The following LUZP1 variants were observed in gnomAD, a reference collection of about 807,000 sequenced individuals.
LUZP1 encodes filamin mechanobinding actin cross-linking protein.
A neutral mutation model predicts 71.3 loss-of-function variants in LUZP1; 25 were observed. The ratio of observed to expected loss-of-function variants is 0.35; its 90% CI spans 0.26 to 0.49. LUZP1 has a LOEUF of 0.49. LUZP1 is among the 20% of genes least tolerant of loss of function. The pLI is 0.99. For missense variants in LUZP1, 1,142 were observed against 1,300.8 expected, an observed-to-expected ratio of 0.88 and a Z score of 1.88; for synonymous variants, 481 against 506.4, an observed-to-expected ratio of 0.95 and a Z score of 0.67.
intron 2 of LUZP1, among the ~76,000 whole-genome samples, chr1:23,119,928 T>G (rs1277640016): frequency 6.6e-6 from 1 of 152,032 alleles, no homozygotes; most frequent in Non-Finnish European, 1.5e-5. Flanking sequence ...AGTCCAGGTT[T>G]TGTTTTTTGT....
intron 2 of LUZP1, among the ~76,000 whole-genome samples, chr1:23,167,088 G>A (rs573819600): frequency 2.0e-5 from 3 of 152,232 alleles, no homozygotes; most frequent in Admixed American, 6.5e-5. Context: ...AATTATTTCT[G>A]ACAAAAGAAG....
chr1:23,174,645 A>G (rs1359965727), intron 1 of LUZP1, among the ~76,000 whole-genome samples: 1 of 152,162 alleles, frequency 6.6e-6, no homozygotes, highest in Non-Finnish European at 1.5e-5. Context: ...TTAATTTTTT[A>G]CATGTAGAAG....
At chr1:23,144,610 C>G (rs1293655134) in intron 2 of LUZP1, among the ~76,000 whole-genome samples, 1 of 152,106 alleles carries the variant, frequency 6.6e-6, no homozygotes, top group African/African-American at 2.4e-5. Flanking sequence ...TATGGTTTCT[C>G]AGCTTCCCAG....
intron 1 of LUZP1, among the ~76,000 whole-genome samples, chr1:23,175,880 G>A (rs1477904379): frequency 6.6e-6 from 1 of 152,158 alleles, no homozygotes; most frequent in Non-Finnish European, 1.5e-5. Flanking sequence ...AGCCAGAGAA[G>A]GCTTCCTAGA....
intron 2 of LUZP1, among the ~76,000 whole-genome samples, chr1:23,146,383 T>C (rs528805305): frequency 6.6e-6 from 1 of 152,324 alleles, no homozygotes; most frequent in Admixed American, 6.5e-5. Context: ...GAACATAGGC[T>C]CTGGAGTCAC....
chr1:23,132,578 T>TA (rs1644223552), intron 2 of LUZP1, among the ~76,000 whole-genome samples: 2 of 151,970 alleles, frequency 1.3e-5, no homozygotes, highest in South Asian at 4.1e-4. Context: ...TATGGGCTGA[T>TA]AAAGAAAAAC....
Position 23,089,132 on chromosome 1 carries a change from G to A in LUZP1, c.3073-79C>T, listed in dbSNP as rs1643814474. 3 of 1,408,952 alleles carry A rather than the reference G, an allele frequency of 2.1e-6. No individual in the cohort carries two copies. In the East Asian group the frequency reaches 6.9e-5, roughly 32 times the overall value. 87.3% of individuals were successfully genotyped at this position (1,408,952 alleles called of 1,614,324 possible). On this transcript the variant is annotated intron_variant, in intron 4 of 4. Transcript: ENST00000302291. ...AGACACCCTCACCTGCTACCATAGT[G>A]GGTCCTTTCCAACCCAGCAGAGGCA...
At chr1:23,140,060 G>A (rs895570560) in intron 2 of LUZP1, among the ~76,000 whole-genome samples, 1 of 152,034 alleles carries the variant, frequency 6.6e-6, no homozygotes, top group Non-Finnish European at 1.5e-5. Context: ...GTAAGGGCTG[G>A]GTGTATTTTC....
At chr1:23,088,828 C>T (rs1643807554) in exon 5 of LUZP1, 14 of 1,559,598 alleles carry the variant, frequency 9.0e-6, no homozygotes, top group South Asian at 1.2e-5. Context: ...TTGGATCCTT[C>T]GTGGGGCAGG....
exon 1 of LUZP1, chr1:23,177,529 G>A (rs1309306832): frequency 6.6e-6 from 1 of 152,468 alleles, no homozygotes; most frequent in Non-Finnish European, 1.5e-5. Context: ...CCACCCAAAA[G>A]AGAGGGCTGG....
intron 2 of LUZP1, among the ~76,000 whole-genome samples, chr1:23,150,687 G>C (rs951098460): frequency 6.6e-6 from 1 of 152,112 alleles, no homozygotes; most frequent in African/African-American, 2.4e-5. Context: ...GTAATCTAAA[G>C]AACTTTATGG....
At chr1:23,175,467 T>C (rs1217504780) in intron 1 of LUZP1, among the ~76,000 whole-genome samples, 14 of 152,184 alleles carry the variant, frequency 9.2e-5, no homozygotes, top group Admixed American at 7.9e-4. Flanking sequence ...TCCCCCCTAG[T>C]GTTTGCCTCC....
At chr1:23,119,472 C>T (rs915036077) in intron 2 of LUZP1, among the ~76,000 whole-genome samples, 2 of 151,966 alleles carry the variant, frequency 1.3e-5, no homozygotes, top group Non-Finnish European at 2.9e-5. Flanking sequence ...ATGGGTGTGA[C>T]CTTAGGCAAA....
chr1:23,115,363 G>A (rs775798488), intron 2 of LUZP1, among the ~76,000 whole-genome samples: 29 of 152,150 alleles, frequency 1.9e-4, no homozygotes, highest in Non-Finnish European at 2.6e-4. Context: ...TATGTGTCAG[G>A]TTATTTTTCA....
At chr1:23,092,932 C>T (rs1393179477) in exon 4 of LUZP1, 1 of 1,614,056 alleles carries the variant, frequency 6.2e-7, no homozygotes, top group Non-Finnish European at 8.5e-7. Flanking sequence ...TCCTGAGTCC[C>T]ACTGTCTGTA....
intron 2 of LUZP1, among the ~76,000 whole-genome samples, chr1:23,122,651 A>G (rs146875331): frequency 1.3e-5 from 2 of 152,394 alleles, no homozygotes; most frequent in Admixed American, 6.5e-5. Context: ...ATTCCAGGAC[A>G]CTGAAGAAAC....
At chr1:23,104,926 C>T (rs1394838955) in intron 3 of LUZP1, among the ~76,000 whole-genome samples, 1 of 151,978 alleles carries the variant, frequency 6.6e-6, no homozygotes, top group Non-Finnish European at 1.5e-5. Flanking sequence ...GGGGCTATGC[C>T]CTACTTTTAT....
intron 3 of LUZP1, among the ~76,000 whole-genome samples, chr1:23,101,139 T>C (rs1318879098): frequency 6.6e-6 from 1 of 152,206 alleles, no homozygotes; most frequent in East Asian, 1.9e-4. Flanking sequence ...CAGGCAATAC[T>C]AAGTACCTTA....
At position 23,108,121 on chromosome 1, in the gene LUZP1, T is replaced by C. The variant is rs573870435; in HGVS notation, c.-120+901A>G. Among the ~76,000 whole-genome samples, 3 of 152,320 alleles carry C rather than the reference T, an allele frequency of 2.0e-5. No individual in the cohort carries two copies. The East Asian group carries it at 5.8e-4, about 29-fold the overall frequency. ...TTCAAGTTCTCACTTCTATCTCTTC[T>C]ATTTCATTAGTGCTCTCCTCTGCCT... On this transcript the variant is annotated intron_variant, in intron 3 of 4. Coordinates refer to ENST00000302291, the Ensembl canonical transcript of LUZP1.
Sources: allele counts gnomAD v4.1 joint callset (sites outside exome capture counted in the v4.1 genomes callset), GRCh38; gene constraint gnomAD v4.1.1; transcripts MANE v1.5; gene names NCBI Gene and HGNC (gene_info 2026-07-23, HGNC 2026-07-21).